PCDHA9: variants seen among roughly 807,000 people sequenced by gnomAD.
PCDHA9 encodes protocadherin alpha-9.
A neutral mutation model predicts 62.0 loss-of-function variants in PCDHA9; 62 were observed. The observed-to-expected ratio is 1.00, with a 90% confidence interval of 0.81 to 1.23. The LOEUF is 1.23. Ranked by LOEUF, PCDHA9 falls within the 50% of genes most tolerant of loss-of-function variation. The pLI is 0.00. For synonymous variants in PCDHA9, 557 were observed against 567.6 expected, an observed-to-expected ratio of 0.98 and a Z score of 0.27; for missense variants, 1,205 against 1,249.8, an observed-to-expected ratio of 0.96 and a Z score of 0.54.
rs781965106 is a variant in PCDHA9 at position 140,882,419 on chromosome 5, G to A, written c.2394+31530G>A. 8.7e-6 allele frequency: 14 copies of A among 1,613,992 alleles called. No homozygotes were observed. The African/African-American group carries it at 1.5e-4, about 17-fold the overall frequency. ...CACCTTCGTGGGCCGCATCGCTCAG[G>A]ACCTGGGGCTGGAGCTGGCGGAGCT... On this transcript the variant is annotated intron_variant, in intron 1 of 3. Transcript: ENST00000532602.
intron 1 of PCDHA9, among the ~76,000 whole-genome samples, chr5:140,973,636 T>C (rs535388717): frequency 6.6e-6 from 1 of 152,234 alleles, no homozygotes; most frequent in Non-Finnish European, 1.5e-5. Flanking sequence ...CTTGTACACA[T>C]TCTGACTGAA....
chr5:140,968,869 C>T, intron 1 of PCDHA9: 1 of 1,614,210 alleles, frequency 6.2e-7, no homozygotes, highest in Non-Finnish European at 8.5e-7. Flanking sequence ...CTCGGACATA[C>T]TCTGAAATTA....
intron 1 of PCDHA9, chr5:140,877,726 C>T (rs781814794): frequency 6.2e-7 from 1 of 1,614,174 alleles, no homozygotes; most frequent in African/African-American, 1.3e-5. Context: ...GTCTTACTCG[C>T]AGCAGAGGAG....
chr5:140,998,965 G>C (rs1320225650), intron 3 of PCDHA9, among the ~76,000 whole-genome samples: 1 of 152,232 alleles, frequency 6.6e-6, no homozygotes, highest in Non-Finnish European at 1.5e-5. Context: ...TAATCAAATA[G>C]TATCCTAGAA....
In PCDHA9 at chr5:140,858,295, G is replaced by A. The variant is rs190932191; in HGVS notation, c.2394+7406G>A. ...GCGCGGTGGGGAGCTGGTCTTACTC[G>A]CAGCAGAGGCGGCAGAGGGTGTGTT... On this transcript the variant is annotated intron_variant, in intron 1 of 3. Coordinates refer to ENST00000532602, the MANE Select transcript of PCDHA9 (RefSeq NM_031857.2). 2.6e-3 allele frequency: 4,219 copies of A among 1,597,346 alleles called. 330 individuals are homozygous for A. The highest frequency in any genetic ancestry group is 0.01 in the Middle Eastern group (61 of 5,988).
chr5:140,887,885 A>G (rs1281444456), intron 1 of PCDHA9, among the ~76,000 whole-genome samples: 1 of 152,144 alleles, frequency 6.6e-6, no homozygotes, highest in Non-Finnish European at 1.5e-5. Context: ...TTGTAGTATC[A>G]TATCTGTTAA....
intron 1 of PCDHA9, among the ~76,000 whole-genome samples, chr5:140,911,786 TG>T (rs1394803815): frequency 6.6e-6 from 1 of 152,212 alleles, no homozygotes; most frequent in Non-Finnish European, 1.5e-5. Flanking sequence ...TTAGCATTTT[TG>T]GGTCTAATCA....
intron 1 of PCDHA9, chr5:140,928,452 G>C: frequency 6.2e-7 from 1 of 1,614,126 alleles, no homozygotes; most frequent in Non-Finnish European, 8.5e-7. Context: ...AGCTCAGGGG[G>C]TTTCATTTCC....
chr5:140,956,597 C>T (rs1015881961), intron 1 of PCDHA9, among the ~76,000 whole-genome samples: 1 of 152,054 alleles, frequency 6.6e-6, no homozygotes, highest in African/African-American at 2.4e-5. Flanking sequence ...TCAGGGATAT[C>T]AGCTGGAAGT....
intron 1 of PCDHA9, chr5:140,856,495 T>C: frequency 6.3e-7 from 1 of 1,598,444 alleles, no homozygotes; most frequent in South Asian, 1.1e-5. Context: ...TGCTTGACTC[T>C]CGATTTCCAC....
rs571215806 is a variant in PCDHA9, at chr5:140,940,454, G to T, written c.2395-38495G>T. Among the ~76,000 whole-genome samples, 18 of 151,694 alleles carry T rather than the reference G, an allele frequency of 1.2e-4. No homozygotes were observed. The East Asian group carries it at 3.3e-3, about 28-fold the overall frequency. On this transcript the variant is annotated intron_variant, in intron 1 of 3. Coordinates refer to ENST00000532602, the MANE Select transcript of PCDHA9 (RefSeq NM_031857.2). ...AAGTCTGCCATGATATTTTTTATAGGTTTCTGTTCCCTGCAATTTTTTTTT... is the reference window on the plus strand; with the variant it reads ...AAGTCTGCCATGATATTTTTTATAGTTTTCTGTTCCCTGCAATTTTTTTTT...
At chr5:140,900,920 T>C (rs539511607) in intron 1 of PCDHA9, among the ~76,000 whole-genome samples, 1 of 152,322 alleles carries the variant, frequency 6.6e-6, no homozygotes, top group South Asian at 2.1e-4. Context: ...TAAGATGATA[T>C]CTCATTGTAG....
At chr5:140,921,022 T>C (rs990627966) in intron 1 of PCDHA9, among the ~76,000 whole-genome samples, 6 of 152,094 alleles carry the variant, frequency 3.9e-5, no homozygotes, top group Admixed American at 6.6e-5. Context: ...CTATGTTTTC[T>C]AGACTGGGGT....
At chr5:140,861,327 T>C (rs1363614329) in intron 1 of PCDHA9, 2 of 243,212 alleles carry the variant, frequency 8.2e-6, no homozygotes, top group Middle Eastern at 1.5e-3. Flanking sequence ...CACTACACCA[T>C]CCTGGAAGAG....
chr5:140,974,605 G>T (rs2096633635), intron 1 of PCDHA9, among the ~76,000 whole-genome samples: 1 of 152,088 alleles, frequency 6.6e-6, no homozygotes, highest in Non-Finnish European at 1.5e-5. Context: ...TCTGCCTCCA[G>T]GGTTCAAGCG....
chr5:140,876,031 G>T (rs1554168208), intron 1 of PCDHA9: 1 of 1,613,702 alleles, frequency 6.2e-7, no homozygotes. Flanking sequence ...AACAAAAAAA[G>T]ATAAAAGTAT....
chr5:140,994,272 C>G (rs1400320599), intron 3 of PCDHA9, among the ~76,000 whole-genome samples: 1 of 152,168 alleles, frequency 6.6e-6, no homozygotes, highest in Non-Finnish European at 1.5e-5. Context: ...GCTAGGCTGC[C>G]TTTCTTGAGA....
chr5:140,983,340 A>AG (rs2097043854), intron 3 of PCDHA9, among the ~76,000 whole-genome samples: 1 of 152,240 alleles, frequency 6.6e-6, no homozygotes, highest in African/African-American at 2.4e-5. Flanking sequence ...TCACTAAAGC[A>AG]GGGTCATGTA....
chr5:140,976,990 A>G (rs1162326000), intron 1 of PCDHA9, among the ~76,000 whole-genome samples: 1 of 152,228 alleles, frequency 6.6e-6, no homozygotes. Flanking sequence ...TCTTACTGCC[A>G]TAAGAAATCT....
Sources: allele counts gnomAD v4.1 joint callset (sites outside exome capture counted in the v4.1 genomes callset), GRCh38; gene constraint gnomAD v4.1.1; transcripts MANE v1.5; gene names NCBI Gene and HGNC (gene_info 2026-07-23, HGNC 2026-07-21).